DARS1: variants seen among roughly 807,000 people sequenced by gnomAD.
DARS1 encodes the protein aspartate--tRNA ligase, cytoplasmic.
In DARS1, 51 loss-of-function variants were observed where a neutral mutation model predicts 68.8. The observed-to-expected ratio is 0.74, with a 90% CI of 0.59 to 0.94. The LOEUF (loss-of-function observed/expected upper bound fraction) is 0.94. Ranked by LOEUF, DARS1 falls within the 40% of genes least tolerant of loss-of-function variation. The pLI is 0.00. For missense variants in DARS1, 607 were observed against 597.3 expected, an observed-to-expected ratio of 1.02 and a Z score of -0.17; for synonymous variants, 203 against 190.4, an observed-to-expected ratio of 1.07 and a Z score of -0.55.
At chr2:135,944,085 G>T (rs1233295783) in intron 4 of DARS1, among the ~76,000 whole-genome samples, 1 of 152,034 alleles carries the variant, frequency 6.6e-6, no homozygotes, top group African/African-American at 2.4e-5. Context: ...TAAAATAAAT[G>T]CATCTCCTGG....
At chr2:135,938,452 G>C (rs1045043094) in intron 5 of DARS1, among the ~76,000 whole-genome samples, 3 of 152,198 alleles carry the variant, frequency 2.0e-5, no homozygotes, top group African/African-American at 7.2e-5. Flanking sequence ...CTTTAGCTCA[G>C]AGAAGTTTAT....
At chr2:135,930,704 G>T (rs915768402) in intron 7 of DARS1, among the ~76,000 whole-genome samples, 2 of 152,186 alleles carry the variant, frequency 1.3e-5, no homozygotes, top group African/African-American at 4.8e-5. Context: ...GAATCCATTT[G>T]TATTTGGGAA....
At position 135,907,273 on chromosome 2, in the gene DARS1, T is replaced by G; in HGVS notation, c.*43A>C. 1.0e-6 allele frequency: 1 copy of G among 985,306 alleles called. No individual in the cohort carries two copies. Among genetic ancestry groups the G allele is most frequent in the Non-Finnish European group, 1.5e-6 (1 of 661,146 alleles). 61.0% of individuals were successfully genotyped at this position (985,306 alleles called of 1,614,324 possible). A position where few individuals can be genotyped will look rare whatever the true frequency, so the allele number is the denominator to read the frequency against. On this transcript the variant is annotated 3_prime_UTR_variant, in exon 16 of 16. Coordinates refer to ENST00000264161, the MANE Select transcript of DARS1 (RefSeq NM_001349.4). The stretch of plus-strand genomic sequence containing the variant: ...TTTTTTTTTTTTTTGAGGCAGGGTC[T>G]CGCTCTGTCATCCACACTGGAGTTA...
chr2:135,954,479 T>C (rs977066094), intron 4 of DARS1, among the ~76,000 whole-genome samples: 3 of 152,134 alleles, frequency 2.0e-5, no homozygotes, highest in South Asian at 2.1e-4. Flanking sequence ...ACGCTTAGTA[T>C]AGAATAAGAG....
In DARS1 at chr2:135,922,639, C is replaced by A. The variant is rs977051485; in HGVS notation, c.811+145G>T. On this transcript the variant is annotated intron_variant, in intron 9 of 15. Coordinates refer to ENST00000264161, the MANE Select transcript of DARS1 (RefSeq NM_001349.4). ...GTCTACCCAAATATATTATCTCTAA[C>A]TCAAAGTCTAGCATTTGTGTAGTCA... 8.1e-6 allele frequency: 10 copies of A among 1,234,408 alleles called. No homozygotes were observed. The Admixed American group carries it at 1.6e-4, about 20-fold the overall frequency. 76.5% of individuals were successfully genotyped at this position (1,234,408 alleles called of 1,614,324 possible).
intron 4 of DARS1, among the ~76,000 whole-genome samples, chr2:135,950,926 G>A (rs998244901): frequency 1.3e-5 from 2 of 152,098 alleles, no homozygotes; most frequent in Non-Finnish European, 2.9e-5. Flanking sequence ...AGTGGATAAA[G>A]GTGCAGAGCG....
At chr2:135,931,944 TAAAG>T (rs1354985680) in intron 7 of DARS1, among the ~76,000 whole-genome samples, 2 of 152,014 alleles carry the variant, frequency 1.3e-5, no homozygotes, top group Non-Finnish European at 2.9e-5. Context: ...GGCAAATAAA[TAAAG>T]AATGATGTCT....
At chr2:135,912,195 T>C (rs1680909656) in intron 13 of DARS1, among the ~76,000 whole-genome samples, 2 of 152,252 alleles carry the variant, frequency 1.3e-5, no homozygotes. Flanking sequence ...TACTAAAGTA[T>C]GCAAATCTAG....
chr2:135,975,672 G>A (rs1344746493), intron 3 of DARS1, among the ~76,000 whole-genome samples: 2 of 148,474 alleles, frequency 1.3e-5, no homozygotes, highest in Non-Finnish European at 3.0e-5. Context: ...GCGCATGCCT[G>A]TAGTCCTAGC....
At chr2:135,911,647 G>A in intron 13 of DARS1, 154 bp from the exon 14 acceptor site, 1 of 545,764 alleles carries the variant, frequency 1.8e-6, no homozygotes, top group South Asian at 2.5e-5. Flanking sequence ...AAACTACTGA[G>A]GGCTGAATAA....
Position 135,949,936 on chromosome 2 carries a change from A to G in DARS1, c.321-6456T>C, listed in dbSNP as rs528122519. On this transcript the variant is annotated intron_variant, in intron 4 of 15. Coordinates refer to ENST00000264161, the MANE Select transcript of DARS1 (RefSeq NM_001349.4). ...GTAAGGCAAAAGATAAGCACTTCAG[A>G]TTTAATATCTAAAGTAAATGCTAAG... is the stretch of plus-strand genomic sequence containing the variant. 9.2e-5 allele frequency among the ~76,000 whole-genome samples: 14 copies of G among 152,338 alleles called. No homozygotes were observed. In the South Asian group the frequency reaches 2.9e-3, roughly 32 times the overall value.
intron 3 of DARS1, among the ~76,000 whole-genome samples, chr2:135,974,238 T>C (rs1249807828): frequency 6.6e-6 from 1 of 152,230 alleles, no homozygotes; most frequent in Non-Finnish European, 1.5e-5. Context: ...ACTCTGCCAC[T>C]CTGCACATGT....
Position 135,962,114 on chromosome 2 carries a change from T to C in DARS1, c.218-616A>G, listed in dbSNP as rs143040153. ...TATTTTATGAGTCTCGCATTTTTTT[T>C]TACTCCAAATAACTTATATTGTCTA... is the stretch of plus-strand genomic sequence containing the variant. On this transcript the variant is annotated intron_variant, in intron 3 of 15. Transcript: ENST00000264161. 3.4e-3 allele frequency among the ~76,000 whole-genome samples: 511 copies of C among 152,324 alleles called. 3 individuals are homozygous for C. The highest frequency in any genetic ancestry group is 0.028 in the South Asian group (134 of 4,828).
intron 4 of DARS1, among the ~76,000 whole-genome samples, chr2:135,959,424 A>AAAAAAAAAAAAAAAAAAC: frequency 7.4e-6 from 1 of 135,440 alleles, no homozygotes; most frequent in Non-Finnish European, 1.6e-5. Flanking sequence ...AAAAAAAAAA[A>AAAAAAAAAAAAAAAAAAC]AAAAAAAAGA....
intron 5 of DARS1, among the ~76,000 whole-genome samples, chr2:135,942,466 G>C (rs540910925): frequency 7.5e-6 from 1 of 133,146 alleles, no homozygotes; most frequent in Middle Eastern, 4.5e-3. Context: ...AGATCACTTG[G>C]ACACAGGAAG....
Position 135,976,359 on chromosome 2 carries a change from T to A in DARS1, c.217+2915A>T, listed in dbSNP as rs78383997. On this transcript the variant is annotated intron_variant, in intron 3 of 15. Transcript: ENST00000264161. ...TCCAAAATTCCCCAATACCCATAAA[T>A]AATTTATTTTTTTGAGATAGAATAA... 7.5e-3 allele frequency among the ~76,000 whole-genome samples: 1,146 copies of A among 152,242 alleles called. 11 individuals carry two copies. The highest frequency in any genetic ancestry group is 0.026 in the African/African-American group (1,080 of 41,544).
rs1680774811 is a variant in DARS1 at position 135,906,127 on chromosome 2, T to A, written c.*1189A>T. On this transcript the variant is annotated 3_prime_UTR_variant, in exon 16 of 16. Coordinates refer to ENST00000264161, the MANE Select transcript of DARS1 (RefSeq NM_001349.4). ...CTAAACTTTCAAAGACTGTACAATA[T>A]AGATGGTAAACACCCCCTTTAACTT... 1.3e-5 allele frequency among the ~76,000 whole-genome samples: 2 copies of A among 152,214 alleles called. No individual in the cohort carries two copies. Among genetic ancestry groups the A allele is most frequent in the African/African-American group, 4.8e-5 (2 of 41,446 alleles).
chr2:135,907,304 C>T lies in DARS1; in HGVS notation c.*12G>A. On this transcript the variant is annotated 3_prime_UTR_variant, in exon 16 of 16. Coordinates refer to ENST00000264161, the MANE Select transcript of DARS1 (RefSeq NM_001349.4). ...TGTCATCCACACTGGAGTTAAGTGG[C>T]AAAGTGTGAATTTAAGGAGTGAGTC... The T allele has an allele frequency of 6.6e-7, 1 of 1,504,772 alleles. No individual in the cohort carries two copies. The highest frequency in any genetic ancestry group is 1.1e-5 in the South Asian group (1 of 88,070). 93.2% of individuals were successfully genotyped at this position (1,504,772 alleles called of 1,614,324 possible).
chr2:135,983,082 G>A (rs545601628), intron 2 of DARS1, among the ~76,000 whole-genome samples: 1 of 152,150 alleles, frequency 6.6e-6, no homozygotes, highest in Non-Finnish European at 1.5e-5. Flanking sequence ...GCAGTTATTA[G>A]CCACTCTCCT....
Sources: allele counts gnomAD v4.1 joint callset (sites outside exome capture counted in the v4.1 genomes callset), GRCh38; gene constraint gnomAD v4.1.1; transcripts MANE v1.5; gene names NCBI Gene and HGNC (gene_info 2026-07-23, HGNC 2026-07-21).